The following NTM variants were observed in gnomAD, a reference collection of about 807,000 sequenced individuals.
The protein encoded by NTM is neurotrimin.
A neutral mutation model predicts 42.1 loss-of-function variants in NTM; 13 were observed. The observed-to-expected ratio is 0.31, with a 90% CI of 0.20 to 0.49. The LOEUF is 0.49. Ranked by LOEUF, NTM falls within the 20% of genes least tolerant of loss-of-function variation. The probability of loss-of-function intolerance (pLI) is 0.99; values close to 1 mark genes in which losing one functional copy is unlikely to be tolerated. For missense variants in NTM, 373 were observed against 452.8 expected (o/e 0.82, Z 1.60); for synonymous variants, 187 against 179.2 (o/e 1.04, Z -0.35).
At chr11:132,144,498 A>C (rs1161190787) in intron 2 of NTM, among the ~76,000 whole-genome samples, 1 of 152,210 alleles carries the variant, frequency 6.6e-6, no homozygotes, top group East Asian at 1.9e-4. Flanking sequence ...CTTATTTTGC[A>C]CTGGGCCCCA....
At chr11:132,136,368 C>T (rs1301059966) in intron 2 of NTM, among the ~76,000 whole-genome samples, 1 of 152,226 alleles carries the variant, frequency 6.6e-6, no homozygotes, top group East Asian at 1.9e-4. Flanking sequence ...GCCAAGGTCA[C>T]TTAGTGAGAG....
intron 1 of NTM, among the ~76,000 whole-genome samples, chr11:131,891,363 G>A (rs138832789): frequency 2.8e-4 from 42 of 152,296 alleles, no homozygotes; most frequent in African/African-American, 9.1e-4. Flanking sequence ...GACAGAGATC[G>A]AGATGAGGTA....
chr11:131,648,252 C>T (rs891239753), intron 1 of NTM, among the ~76,000 whole-genome samples: 1 of 152,264 alleles, frequency 6.6e-6, no homozygotes, highest in Admixed American at 6.5e-5. Flanking sequence ...TTTATCCAGT[C>T]CACCATTGAT....
intron 4 of NTM, among the ~76,000 whole-genome samples, chr11:132,303,421 T>C (rs972366507): frequency 1.2e-4 from 18 of 152,338 alleles, no homozygotes; most frequent in African/African-American, 4.3e-4. Flanking sequence ...CTTCACCCTG[T>C]GTGTCTTCAC....
Position 132,165,879 on chromosome 11 carries a change from A to G in NTM, c.400+19365A>G, listed in dbSNP as rs115028196. ...TTTCATTGCATTTTCCTAATATTTC[A>G]TGCTTTAATTTAATTTATTTGATAC... On this transcript the variant is annotated intron_variant, in intron 3 of 8. Transcript: ENST00000683400. Among the ~76,000 whole-genome samples the G allele has an allele frequency of 8.1e-3, 1,236 of 152,212 alleles. 17 individuals carry two copies. The highest frequency in any genetic ancestry group is 0.028 in the African/African-American group (1,169 of 41,520).
At chr11:132,195,555 T>C (rs1262170318) in intron 3 of NTM, among the ~76,000 whole-genome samples, 1 of 150,756 alleles carries the variant, frequency 6.6e-6, no homozygotes, top group Admixed American at 6.6e-5. Flanking sequence ...GACTTCAAAC[T>C]ATACTACAAG....
intron 1 of NTM, among the ~76,000 whole-genome samples, chr11:131,511,089 G>A (rs996376272): frequency 3.3e-5 from 5 of 152,222 alleles, no homozygotes; most frequent in Non-Finnish European, 7.3e-5. Context: ...CTTCAGGGCT[G>A]TTGGCCAAAT....
chr11:132,050,493 AAG>A (rs2078700418), intron 2 of NTM, among the ~76,000 whole-genome samples: 1 of 152,220 alleles, frequency 6.6e-6, no homozygotes, highest in Non-Finnish European at 1.5e-5. Context: ...ACTGTGGGGA[AAG>A]AGAGAAACTG....
At chr11:131,809,821 C>T (rs1008559509) in intron 1 of NTM, among the ~76,000 whole-genome samples, 9 of 152,174 alleles carry the variant, frequency 5.9e-5, no homozygotes, top group African/African-American at 2.2e-4. Flanking sequence ...TTCTGTGTCC[C>T]AAAGGTAGGT....
intron 1 of NTM, chr11:131,538,524 T>A (rs1352773718): frequency 6.6e-6 from 1 of 152,310 alleles, no homozygotes; most frequent in Admixed American, 6.5e-5. Context: ...AGTGCCCCGC[T>A]GGGGTAGGAT....
chr11:131,460,494 ACTT>A (rs1951276706), intron 1 of NTM, among the ~76,000 whole-genome samples: 1 of 152,210 alleles, frequency 6.6e-6, no homozygotes, highest in South Asian at 2.1e-4. Context: ...TTCATAAAGC[ACTT>A]CTTAATCCAA....
chr11:132,265,579 A>T (rs1416848971), intron 4 of NTM, among the ~76,000 whole-genome samples: 1 of 152,170 alleles, frequency 6.6e-6, no homozygotes, highest in Non-Finnish European at 1.5e-5. Context: ...TAAGGGGAAT[A>T]CATTGCCGGG....
Position 132,238,651 on chromosome 11 carries a change from G to A in NTM, c.526+26504G>A, listed in dbSNP as rs563916534. ...CTCATAGCAGCCTGCGTGTGGACTC[G>A]CGGAGCTCATTGCCTTAGGTGAAAC... is the stretch of plus-strand genomic sequence containing the variant. On this transcript the variant is annotated intron_variant, in intron 4 of 8. Transcript: ENST00000683400. Among the ~76,000 whole-genome samples, 60 of 152,198 alleles carry A rather than the reference G, an allele frequency of 3.9e-4. No individual in the cohort carries two copies. The South Asian group carries it at 0.01, about 26-fold the overall frequency.
chr11:131,492,841 A>G (rs1015363472), intron 1 of NTM, among the ~76,000 whole-genome samples: 1 of 152,186 alleles, frequency 6.6e-6, no homozygotes, highest in South Asian at 2.1e-4. Context: ...AACAAACTGA[A>G]TACATAAAAG....
intron 1 of NTM, among the ~76,000 whole-genome samples, chr11:131,518,287 G>A (rs759573833): frequency 6.6e-6 from 1 of 152,152 alleles, no homozygotes; most frequent in Non-Finnish European, 1.5e-5. Flanking sequence ...CAAGAATGGG[G>A]ACTGGAACCT....
chr11:132,275,738 A>ATATATATGTATATATATACGTATATATAC, intron 4 of NTM, among the ~76,000 whole-genome samples: 1 of 66,672 alleles, frequency 1.5e-5, no homozygotes, highest in African/African-American at 7.4e-5. Context: ...ATATATACGT[A>ATATATATGTATATATATACGTATATATAC]TATATATATG....
chr11:131,829,346 C>T (rs567242258), intron 1 of NTM, among the ~76,000 whole-genome samples: 8 of 152,228 alleles, frequency 5.3e-5, no homozygotes, highest in Admixed American at 4.6e-4. Flanking sequence ...TCCCTGTCCC[C>T]TCCCTCTAGA....
At chr11:132,310,959 C>T (rs975596088) in intron 6 of NTM, among the ~76,000 whole-genome samples, 9 of 152,214 alleles carry the variant, frequency 5.9e-5, no homozygotes, top group Middle Eastern at 3.4e-3. Flanking sequence ...GGGAAATGGG[C>T]AAGAGCTGCC....
intron 2 of NTM, among the ~76,000 whole-genome samples, chr11:132,020,137 G>A (rs902308064): frequency 3.9e-5 from 6 of 152,066 alleles, no homozygotes; most frequent in African/African-American, 1.4e-4. Context: ...GCTTCCAACT[G>A]CATCTATGTT....
Sources: allele counts gnomAD v4.1 joint callset (sites outside exome capture counted in the v4.1 genomes callset), GRCh38; gene constraint gnomAD v4.1.1; transcripts MANE v1.5; gene names NCBI Gene and HGNC (gene_info 2026-07-23, HGNC 2026-07-21).